Variants in KCTD5 observed in about 807,000 individuals in gnomAD.
The protein encoded by KCTD5 is potassium channel tetramerization domain containing 5.
In KCTD5, 12 loss-of-function variants were observed where a neutral mutation model predicts 27.9. The ratio of observed to expected loss-of-function variants is 0.43; its 90% CI spans 0.28 to 0.70. KCTD5 has a LOEUF of 0.70. KCTD5 is among the 30% of genes least tolerant of loss of function. The pLI is 0.19. For missense variants in KCTD5, 226 were observed against 274.8 expected, an observed-to-expected ratio of 0.82 and a Z score of 1.26; for synonymous variants, 147 against 121.4, an observed-to-expected ratio of 1.21 and a Z score of -1.39.
chr16:2,704,834 C>T (rs563883538), intron 5 of KCTD5, among the ~76,000 whole-genome samples: 6 of 152,182 alleles, frequency 3.9e-5, no homozygotes, highest in South Asian at 4.1e-4. Flanking sequence ...CCTATCAGGC[C>T]GAGATCTGTG....
At chr16:2,690,572 T>A (rs1268086684) in intron 1 of KCTD5, among the ~76,000 whole-genome samples, 1 of 152,236 alleles carries the variant, frequency 6.6e-6, no homozygotes. Context: ...GCGCAGCCTG[T>A]GCTGGTTGTG....
rs1347365628 is a variant in KCTD5 at position 2,685,352 on chromosome 16, G to T, written c.252+2552G>T. Among the ~76,000 whole-genome samples, 3 of 152,116 alleles carry T rather than the reference G, an allele frequency of 2.0e-5. No individual in the cohort carries two copies. The South Asian group carries it at 6.2e-4, about 32-fold the overall frequency. On this transcript the variant is annotated intron_variant, in intron 1 of 5. Coordinates refer to ENST00000301738, the MANE Select transcript of KCTD5 (RefSeq NM_018992.4). Reference sequence around the variant, plus strand: ...CTGAGGCAGGAGAACCACTTGAACCGAGAGGCAGAGGTTACAGTGGGCTGA... The same window carrying T: ...CTGAGGCAGGAGAACCACTTGAACCTAGAGGCAGAGGTTACAGTGGGCTGA...
intron 2 of KCTD5, among the ~76,000 whole-genome samples, chr16:2,696,770 G>A (rs150034783): frequency 0.021 from 3,203 of 152,356 alleles, 124 homozygotes; most frequent in African/African-American, 0.072. Context: ...CCTCCTCCGA[G>A]TTCACGCGGG....
chr16:2,691,312 C>T (rs1398607607), intron 1 of KCTD5, among the ~76,000 whole-genome samples: 4 of 152,254 alleles, frequency 2.6e-5, no homozygotes, highest in Non-Finnish European at 4.4e-5. Flanking sequence ...GGGCCTGTTT[C>T]TCGAGGAAAC....
chr16:2,690,589 G>A (rs1048059675), intron 1 of KCTD5, among the ~76,000 whole-genome samples: 9 of 152,352 alleles, frequency 5.9e-5, no homozygotes, highest in African/African-American at 9.6e-5. Context: ...TGTGTAAGCC[G>A]TGGAACGTAT....
intron 1 of KCTD5, among the ~76,000 whole-genome samples, chr16:2,687,697 G>A (rs1420402343): frequency 1.3e-5 from 2 of 152,132 alleles, no homozygotes; most frequent in African/African-American, 4.8e-5. Flanking sequence ...GGCATCCCAG[G>A]GACTCCTTTT....
In KCTD5 at chr16:2,688,239, ATATATATTTATTTATT is replaced by A. The variant is rs1470173729; in HGVS notation, c.252+5443_252+5458del. 1.2e-3 allele frequency among the ~76,000 whole-genome samples: 121 copies of A among 99,380 alleles called. 4 individuals carry two copies. The South Asian group carries it at 0.034, about 28-fold the overall frequency. The allele number at this position is 99,380 out of a possible 152,430, so 65.2% of individuals were successfully genotyped here. A position where few individuals can be genotyped will look rare whatever the true frequency, so the allele number is the denominator to read the frequency against. On this transcript the variant is annotated intron_variant, in intron 1 of 5. Transcript: ENST00000301738. ...TAAATAAATAAATAAATATATATAT[ATATATATTTATTTATT>A]TATTTATTTATTTGAGACGGAGTCT...
chr16:2,702,490 G>A lies in KCTD5; in HGVS notation c.675+12G>A, dbSNP rs776176746. ...GCGAGAAGGCCAAGGTGAGTGCTGG[G>A]CCGGCCCTGGCCTGGGGCAGTCTTG... is the stretch of plus-strand genomic sequence containing the variant. On this transcript the variant is annotated intron_variant, in intron 5 of 5. Coordinates refer to ENST00000301738, the MANE Select transcript of KCTD5 (RefSeq NM_018992.4). The A allele has an allele frequency of 1.2e-6, 2 of 1,612,098 alleles. No homozygotes were observed. Among genetic ancestry groups the A allele is most frequent in the South Asian group, 2.2e-5 (2 of 90,986 alleles).
At chr16:2,696,882 T>C (rs2335153) in intron 2 of KCTD5, among the ~76,000 whole-genome samples, 9 of 152,254 alleles carry the variant, frequency 5.9e-5, no homozygotes, top group African/African-American at 1.4e-4. Context: ...CTTTCACATG[T>C]ACTCTCTCTG....
chr16:2,700,365 T>A (rs756534554), intron 4 of KCTD5, among the ~76,000 whole-genome samples: 12 of 152,216 alleles, frequency 7.9e-5, no homozygotes, highest in Non-Finnish European at 1.2e-4. Flanking sequence ...TGCCAGGCCC[T>A]CGTTGCCTTC....
intron 1 of KCTD5, chr16:2,683,395 C>G (rs1440619667): frequency 6.6e-6 from 1 of 152,090 alleles, no homozygotes; most frequent in East Asian, 1.9e-4. Context: ...TATGATTTTT[C>G]GAAGGGGATT....
At chr16:2,699,351 G>C (rs767794849) in intron 3 of KCTD5, 1 of 391,436 alleles carries the variant, frequency 2.6e-6, no homozygotes, top group South Asian at 1.8e-5. Flanking sequence ...TTAGGAAGCA[G>C]CTCAGCCTTC....
At chr16:2,699,638 A>C (rs2067602570) in intron 3 of KCTD5, among the ~76,000 whole-genome samples, 183 bp from the exon 4 acceptor site, 1 of 152,220 alleles carries the variant, frequency 6.6e-6, no homozygotes, top group Non-Finnish European at 1.5e-5. Flanking sequence ...GGAAGCAGAA[A>C]ACAGCAGCTG....
intron 4 of KCTD5, 93 bp from the exon 5 acceptor site, chr16:2,702,260 G>C (rs1414815183): frequency 1.3e-6 from 2 of 1,509,166 alleles, no homozygotes; most frequent in Admixed American, 1.9e-5. Context: ...TGTGGCTTTC[G>C]CGGTGGCAGG....
intron 4 of KCTD5, among the ~76,000 whole-genome samples, chr16:2,700,982 C>A (rs1472476948): frequency 6.6e-6 from 1 of 152,198 alleles, no homozygotes; most frequent in Non-Finnish European, 1.5e-5. Context: ...GAACAGAAAT[C>A]TTTGCTGCTG....
chr16:2,701,668 G>A (rs531739584), intron 4 of KCTD5, among the ~76,000 whole-genome samples: 14 of 152,348 alleles, frequency 9.2e-5, no homozygotes, highest in Admixed American at 5.2e-4. Flanking sequence ...TGTGAGCCTC[G>A]TCCAGCTGCT....
chr16:2,682,868 G>A (rs543655480), intron 1 of KCTD5, 68 bp downstream of exon 1: 11 of 1,493,296 alleles, frequency 7.4e-6, no homozygotes, highest in Non-Finnish European at 8.9e-6. Flanking sequence ...CACACGCCCT[G>A]CTTCGTGCGG....
rs540042830 is a variant in KCTD5, at chr16:2,690,122, G to C, written c.253-5813G>C. Among the ~76,000 whole-genome samples the C allele has an allele frequency of 2.6e-5, 4 of 152,384 alleles. No homozygotes were observed. In the East Asian group the frequency reaches 7.7e-4, roughly 29 times the overall value. On this transcript the variant is annotated intron_variant, in intron 1 of 5. Coordinates refer to ENST00000301738, the MANE Select transcript of KCTD5 (RefSeq NM_018992.4). Reference sequence around the variant, plus strand: ...CGGAGTCTGGTGAGATGAGCAGAGCGGCCAGTCTTGTTACCACACTTCTCT... The same window carrying C: ...CGGAGTCTGGTGAGATGAGCAGAGCCGCCAGTCTTGTTACCACACTTCTCT...
chr16:2,700,397 G>A (rs988947736), intron 4 of KCTD5, among the ~76,000 whole-genome samples: 10 of 152,186 alleles, frequency 6.6e-5, no homozygotes, highest in South Asian at 2.1e-4. Context: ...GGCAAGCTGC[G>A]GCGGGTGGGG....
Sources: gnomAD v4.1 joint callset for allele counts (sites outside exome capture counted in the v4.1 genomes callset) on GRCh38, gnomAD v4.1.1 for gene constraint, MANE v1.5 for transcripts, NCBI Gene and HGNC (gene_info 2026-07-23, HGNC 2026-07-21) for gene names.